Variants in KIRREL3 observed in about 807,000 individuals in gnomAD.
The protein encoded by KIRREL3 is kin of IRRE-like protein 3.
A neutral mutation model predicts 89.7 loss-of-function variants in KIRREL3; 36 were observed. The observed-to-expected ratio is 0.40, with a 90% CI of 0.31 to 0.53. The LOEUF (loss-of-function observed/expected upper bound fraction) is 0.53, where lower values mean the gene tolerates loss of function less well. Among genes scored for constraint, KIRREL3 ranks in the 20% least tolerant of loss-of-function variants. The pLI is 0.49. For synonymous variants in KIRREL3, 445 were observed against 441.4 expected, an observed-to-expected ratio of 1.01 and a Z score of -0.10; for missense variants, 864 against 1,056.6, an observed-to-expected ratio of 0.82 and a Z score of 2.53.
rs1298734685 is a variant in KIRREL3, at chr11:126,918,743, C to G, written c.55+81712G>C. Among the ~76,000 whole-genome samples the G allele has an allele frequency of 2.0e-5, 3 of 152,152 alleles. No individual in the cohort carries two copies. Among genetic ancestry groups the G allele is most frequent in the African/African-American group, 7.2e-5 (3 of 41,436 alleles). On this transcript the variant is annotated intron_variant, in intron 1 of 16. Coordinates refer to ENST00000525144, the MANE Select transcript of KIRREL3 (RefSeq NM_032531.4). This position sits in a 1 kb window ranked among gnomAD's most constrained non-coding sequence, Gnocchi z 6.5. The stretch of plus-strand genomic sequence containing the variant: ...TTCCCCTTTTCAAAATCTTTTCCTG[C>G]ATTGGATGCCAGGCAGCCATTGTAA...
intron 1 of KIRREL3, among the ~76,000 whole-genome samples, chr11:126,949,384 A>G (rs930755556): frequency 6.6e-6 from 1 of 152,178 alleles, no homozygotes; most frequent in South Asian, 2.1e-4. Flanking sequence ...ACTTTATGTG[A>G]TTAGTAGGCT....
intron 1 of KIRREL3, among the ~76,000 whole-genome samples, chr11:126,595,094 C>G (rs561113918): frequency 1.3e-5 from 2 of 152,370 alleles, no homozygotes; most frequent in African/African-American, 4.8e-5. Context: ...GTGACAAGGC[C>G]TGAGGGCTGT....
At position 126,450,931 on chromosome 11, in the gene KIRREL3, ATG is replaced by A. The variant is rs1370472133; in HGVS notation, c.849-1776_849-1775del. 7.4e-5 allele frequency among the ~76,000 whole-genome samples: 9 copies of A among 121,222 alleles called. No homozygotes were observed. In the South Asian group the frequency reaches 8.5e-4, roughly 11 times the overall value. 79.5% of individuals were successfully genotyped at this position (121,222 alleles called of 152,430 possible). The stretch of plus-strand genomic sequence containing the variant: ...CGTGTGTGTCCACGTGCATGTGTGC[ATG>A]TGTGTGGGCGTGTGTGCATGTGTGA... On this transcript the variant is annotated intron_variant, in intron 7 of 16. Coordinates refer to ENST00000525144, the MANE Select transcript of KIRREL3 (RefSeq NM_032531.4).
chr11:126,829,817 T>C (rs1312537998), intron 1 of KIRREL3, among the ~76,000 whole-genome samples: 1 of 152,190 alleles, frequency 6.6e-6, no homozygotes, highest in Non-Finnish European at 1.5e-5. Context: ...CAAACTCTGA[T>C]TAAATGCTAA....
intron 1 of KIRREL3, among the ~76,000 whole-genome samples, chr11:126,718,135 G>A (rs531571430): frequency 1.4e-4 from 21 of 152,164 alleles, no homozygotes; most frequent in Non-Finnish European, 2.2e-4. Context: ...AGGAGGGCTT[G>A]CATCCCAGCT....
rs1203806276 is a variant in KIRREL3, at chr11:126,761,830, T to G, written c.56-198918A>C. On this transcript the variant is annotated intron_variant, in intron 1 of 16. Coordinates refer to ENST00000525144, the MANE Select transcript of KIRREL3 (RefSeq NM_032531.4). This position sits in a 1 kb window ranked among gnomAD's most constrained non-coding sequence, Gnocchi z 4.4. Reference sequence around the variant, plus strand: ...TTGGGAAGAAGTCTCCCTAGGAAGCTGCTCCCCGCTTTCAATCTCATTTTC... The same window carrying G: ...TTGGGAAGAAGTCTCCCTAGGAAGCGGCTCCCCGCTTTCAATCTCATTTTC... Among the ~76,000 whole-genome samples the G allele has an allele frequency of 1.3e-5, 2 of 152,204 alleles. No individual in the cohort carries two copies. Among genetic ancestry groups the G allele is most frequent in the Non-Finnish European group, 2.9e-5 (2 of 68,026 alleles).
chr11:126,436,680 G>T, intron 12 of KIRREL3, 131 bp downstream of exon 12: 3 of 966,012 alleles, frequency 3.1e-6, no homozygotes, highest in Non-Finnish European at 3.1e-6. Context: ...TGTGTGGTCA[G>T]CCAGGAAGAG....
chr11:126,801,259 A>G (rs1263748891), intron 1 of KIRREL3, among the ~76,000 whole-genome samples: 1 of 152,150 alleles, frequency 6.6e-6, no homozygotes, highest in Admixed American at 6.6e-5. Flanking sequence ...TTAATTGACA[A>G]TTTTTGGGTC....
chr11:126,859,004 G>A (rs1944624627), intron 1 of KIRREL3, among the ~76,000 whole-genome samples: 1 of 152,216 alleles, frequency 6.6e-6, no homozygotes. Context: ...CTCCAGCTAT[G>A]TACAGGGTTC....
In KIRREL3 at chr11:126,666,062, T is replaced by G. The variant is rs1945649383; in HGVS notation, c.56-103150A>C. ...CTGGACCTTTTTATTTTGAAGGCGC[T>G]CCTCGGAGATTCTGATTTGCATCCA... On this transcript the variant is annotated intron_variant, in intron 1 of 16. Transcript: ENST00000525144. This position sits in a 1 kb window ranked among gnomAD's most constrained non-coding sequence, Gnocchi z 4.2. Among the ~76,000 whole-genome samples, 1 of 152,182 alleles carries G rather than the reference T, an allele frequency of 6.6e-6. No homozygotes were observed.
chr11:126,504,441 C>A (rs1365976773), intron 4 of KIRREL3, among the ~76,000 whole-genome samples: 1 of 152,148 alleles, frequency 6.6e-6, no homozygotes, highest in East Asian at 1.9e-4. Context: ...CAGCTGACTT[C>A]GTCACTTCTA....
rs1206978520 is a variant in KIRREL3, at chr11:126,553,151, C to A, written c.133+9684G>T. ...GCCTGTTGTATTTCTCTATCAAATT[C>A]TTACTCTAAGGAGATCTCTCTGACC... On this transcript the variant is annotated intron_variant, in intron 2 of 16. Transcript: ENST00000525144. The surrounding 1 kb of genome is among the most constrained non-coding windows in gnomAD (Gnocchi z 4.7). Among the ~76,000 whole-genome samples the A allele has an allele frequency of 6.6e-6, 1 of 152,216 alleles. No homozygotes were observed. Among genetic ancestry groups the A allele is most frequent in the African/African-American group, 2.4e-5 (1 of 41,472 alleles).
chr11:126,505,625 G>T (rs929673766), intron 4 of KIRREL3, among the ~76,000 whole-genome samples: 16 of 152,186 alleles, frequency 1.1e-4, no homozygotes, highest in Middle Eastern at 6.8e-3. Flanking sequence ...AAAATTAATT[G>T]TGTGTATATA....
chr11:126,765,192 T>C (rs1283949321), intron 1 of KIRREL3, among the ~76,000 whole-genome samples: 1 of 152,206 alleles, frequency 6.6e-6, no homozygotes, highest in Admixed American at 6.5e-5. Flanking sequence ...CTATACCCCG[T>C]GGCTCTGCCA....
At position 126,521,976 on chromosome 11, in the gene KIRREL3, T is replaced by G. The variant is rs1237925424; in HGVS notation, c.284-512A>C. 6.6e-6 allele frequency among the ~76,000 whole-genome samples: 1 copy of G among 152,098 alleles called. No individual in the cohort carries two copies. Among genetic ancestry groups the G allele is most frequent in the African/African-American group, 2.4e-5 (1 of 41,420 alleles). On this transcript the variant is annotated intron_variant, in intron 3 of 16. Coordinates refer to ENST00000525144, the MANE Select transcript of KIRREL3 (RefSeq NM_032531.4). The surrounding 1 kb of genome is among the most constrained non-coding windows in gnomAD (Gnocchi z 4.1). Reference sequence around the variant, plus strand: ...CCTGACTGGTCTTGAACTCCTGGACTTAGGCGGTTCTCCCTCCTCAACCTC... The same window carrying G: ...CCTGACTGGTCTTGAACTCCTGGACGTAGGCGGTTCTCCCTCCTCAACCTC...
Position 126,912,669 on chromosome 11 carries a change from C to T in KIRREL3, c.55+87786G>A, listed in dbSNP as rs534089029. ...ATGCTGGGTAGCAATGGGGCTCCTG[C>T]CCCTGCTGTTCATCATGTTTCTGGG... On this transcript the variant is annotated intron_variant, in intron 1 of 16. Coordinates refer to ENST00000525144, the MANE Select transcript of KIRREL3 (RefSeq NM_032531.4). The surrounding 1 kb of genome is among the most constrained non-coding windows in gnomAD (Gnocchi z 4.7). 6.6e-6 allele frequency among the ~76,000 whole-genome samples: 1 copy of T among 152,344 alleles called. No homozygotes were observed. Among genetic ancestry groups the T allele is most frequent in the Admixed American group, 6.5e-5 (1 of 15,300 alleles).
rs1360534707 is a variant in KIRREL3 at position 126,987,270 on chromosome 11, G to A, written c.55+13185C>T. On this transcript the variant is annotated intron_variant, in intron 1 of 16. Transcript: ENST00000525144. The surrounding 1 kb of genome is among the most constrained non-coding windows in gnomAD (Gnocchi z 4.6). ...TTGCAATTGTGAGTGAGCAAATCTA[G>A]CAGAGTCTATAGTACGCATAAAGTC... Among the ~76,000 whole-genome samples, 1 of 152,182 alleles carries A rather than the reference G, an allele frequency of 6.6e-6. No homozygotes were observed. The highest frequency in any genetic ancestry group is 1.9e-4 in the East Asian group (1 of 5,200).
In KIRREL3 at chr11:126,571,211, T is replaced by C. The variant is rs751493781; in HGVS notation, c.56-8299A>G. On this transcript the variant is annotated intron_variant, in intron 1 of 16. Coordinates refer to ENST00000525144, the MANE Select transcript of KIRREL3 (RefSeq NM_032531.4). The surrounding 1 kb of genome is among the most constrained non-coding windows in gnomAD (Gnocchi z 7.7). ...CCTTGCCTAGCTCTTATCATCTTTC[T>C]CTCCTTGGAGGGCTGGGTTCCTCCC... 5.9e-5 allele frequency among the ~76,000 whole-genome samples: 9 copies of C among 152,190 alleles called. No homozygotes were observed. Among genetic ancestry groups the C allele is most frequent in the Non-Finnish European group, 1.2e-4 (8 of 68,046 alleles).
rs1053685012 is a variant in KIRREL3, at chr11:126,611,494, C to T, written c.56-48582G>A. On this transcript the variant is annotated intron_variant, in intron 1 of 16. Coordinates refer to ENST00000525144, the MANE Select transcript of KIRREL3 (RefSeq NM_032531.4). The surrounding 1 kb of genome is among the most constrained non-coding windows in gnomAD (Gnocchi z 4.7). ...CCTTCATACTGGACTTTGAGGACAA[C>T]GTTTTCATGTTTCACATTTCCCACT... 5.3e-5 allele frequency among the ~76,000 whole-genome samples: 8 copies of T among 152,170 alleles called. No individual in the cohort carries two copies. The highest frequency in any genetic ancestry group is 1.4e-4 in the African/African-American group (6 of 41,428).
Sources: gnomAD v4.1 joint callset for allele counts (sites outside exome capture counted in the v4.1 genomes callset) on GRCh38, gnomAD v4.1.1 for gene constraint, Gnocchi (gnomAD v3.1) non-coding constraint, MANE v1.5 for transcripts, NCBI Gene and HGNC (gene_info 2026-07-23, HGNC 2026-07-21) for gene names.